Variants in DEPDC1B observed in about 807,000 individuals in gnomAD.
DEPDC1B encodes DEP domain-containing protein 1B.
Under a neutral mutation model 66.5 loss-of-function variants are expected in DEPDC1B, and 51 were observed. That is an observed-to-expected ratio of 0.77 (90% CI 0.61 to 0.97). The LOEUF is 0.97. DEPDC1B is among the 50% of genes least tolerant of loss of function. The pLI is 0.00. For missense variants in DEPDC1B, 552 were observed against 637.1 expected (o/e 0.87, Z 1.44); for synonymous variants, 226 against 223.6 (o/e 1.01, Z -0.10).
intron 8 of DEPDC1B, among the ~76,000 whole-genome samples, chr5:60,603,791 A>T (rs1022502536): frequency 3.3e-5 from 5 of 150,916 alleles, no homozygotes; most frequent in Non-Finnish European, 7.4e-5. Context: ...TATCTGAGCA[A>T]TTTTTAAACC....
intron 7 of DEPDC1B, among the ~76,000 whole-genome samples, chr5:60,627,636 C>T (rs981853506): frequency 6.6e-5 from 10 of 152,180 alleles, no homozygotes; most frequent in African/African-American, 2.4e-4. Context: ...TTGTTTCTTG[C>T]ATTTCCAAAT....
At chr5:60,699,690 G>T (rs1368460440) in intron 1 of DEPDC1B, among the ~76,000 whole-genome samples, 1 of 152,128 alleles carries the variant, frequency 6.6e-6, no homozygotes, top group African/African-American at 2.4e-5. Flanking sequence ...AGCGTTACGG[G>T]GTACGTGGTG....
In DEPDC1B at chr5:60,667,332, G is replaced by C. The variant is rs530736129; in HGVS notation, c.314+19630C>G. Reference sequence around the variant, plus strand: ...CTTTGTAATCCATATAACTGATAAAGTGTAAATATCCAGAATACATATATA... The same window carrying C: ...CTTTGTAATCCATATAACTGATAAACTGTAAATATCCAGAATACATATATA... On this transcript the variant is annotated intron_variant, in intron 2 of 10. Transcript: ENST00000265036. Among the ~76,000 whole-genome samples, 5 of 151,348 alleles carry C rather than the reference G, an allele frequency of 3.3e-5. No individual in the cohort carries two copies. In the East Asian group the frequency reaches 9.7e-4, roughly 29 times the overall value.
intron 2 of DEPDC1B, among the ~76,000 whole-genome samples, chr5:60,648,611 C>T (rs1344665938): frequency 2.0e-5 from 3 of 152,030 alleles, no homozygotes; most frequent in Non-Finnish European, 2.9e-5. Context: ...CAAAAACAGT[C>T]GCAATAGATT....
At chr5:60,624,385 C>T (rs1299708966) in intron 7 of DEPDC1B, among the ~76,000 whole-genome samples, 1 of 152,148 alleles carries the variant, frequency 6.6e-6, no homozygotes, top group Non-Finnish European at 1.5e-5. Context: ...TCTACTGCTG[C>T]ATTCAATTTG....
At chr5:60,624,901 G>A (rs1461529754) in intron 7 of DEPDC1B, among the ~76,000 whole-genome samples, 12 of 33,916 alleles carry the variant, frequency 3.5e-4, no homozygotes, top group African/African-American at 9.9e-4. Flanking sequence ...CCCTGCCCCC[G>A]ACCCCCCACA....
At chr5:60,659,381 A>C (rs1370997668) in intron 2 of DEPDC1B, among the ~76,000 whole-genome samples, 1 of 152,186 alleles carries the variant, frequency 6.6e-6, no homozygotes, top group Non-Finnish European at 1.5e-5. Flanking sequence ...TTGGAGTAAA[A>C]TACTGGGCAC....
At position 60,597,803 on chromosome 5, in the gene DEPDC1B, G is replaced by T; in HGVS notation, c.1540C>A (p.Leu514Ile). The change falls in exon 11 of 11, where the codon CTA becomes ATA. Residue 514 changes from leucine (L) to isoleucine (I), a missense_variant. Leu to Ile is a conservative substitution (Grantham distance 5). Coordinates refer to ENST00000265036, the MANE Select transcript of DEPDC1B (RefSeq NM_018369.3). Reference protein sequence around the residue: ...KPKPQLLMWALKKPFQPFQRT... With the variant: ...KPKPQLLMWAIKKPFQPFQRT... The stretch of plus-strand genomic sequence containing the variant: ...TGAAATGGTTGGAAAGGCTTCTTTA[G>T]TGCCCACATTAGCAGCTGTGGTTTC... 6.2e-7 allele frequency: 1 copy of T among 1,613,378 alleles called. No individual in the cohort carries two copies. The highest frequency in any genetic ancestry group is 2.2e-5 in the East Asian group (1 of 44,850).
chr5:60,644,984 G>A, intron 4 of DEPDC1B, 109 bp from the exon 5 acceptor site: 1 of 794,170 alleles, frequency 1.3e-6, no homozygotes. Flanking sequence ...TTCATGCATT[G>A]CACCCAATCT....
intron 7 of DEPDC1B, among the ~76,000 whole-genome samples, chr5:60,617,055 A>C (rs1425169805): frequency 6.6e-6 from 1 of 152,208 alleles, no homozygotes; most frequent in Non-Finnish European, 1.5e-5. Flanking sequence ...TAAGTGAAGG[A>C]GAAATAAAAT....
chr5:60,627,553 ACAT>A (rs1561364835), intron 7 of DEPDC1B, among the ~76,000 whole-genome samples: 1 of 152,088 alleles, frequency 6.6e-6, no homozygotes, highest in Non-Finnish European at 1.5e-5. Flanking sequence ...TACAATCTCA[ACAT>A]CATCATCAAA....
chr5:60,638,999 T>C (rs975738073), intron 6 of DEPDC1B, 109 bp from the exon 7 acceptor site: 2 of 1,300,986 alleles, frequency 1.5e-6, no homozygotes, highest in African/African-American at 1.5e-5. Flanking sequence ...ATTTGACATA[T>C]ACAGAAAAGT....
At chr5:60,614,966 G>A (rs779072450) in intron 7 of DEPDC1B, among the ~76,000 whole-genome samples, 4 of 152,172 alleles carry the variant, frequency 2.6e-5, no homozygotes, top group Non-Finnish European at 5.9e-5. Flanking sequence ...ACTACAGCCT[G>A]GGTGACAGAG....
chr5:60,642,845 A>G lies in DEPDC1B; in HGVS notation c.724T>C (p.Trp242Arg). The G allele has an allele frequency of 1.2e-6, 2 of 1,611,682 alleles. No homozygotes were observed. The highest frequency in any genetic ancestry group is 1.7e-6 in the Non-Finnish European group (2 of 1,179,200). ...AAACACTTCATAGCTGACAGCACCC[A>G]ATGAGGAAGTTCTTCTGAAGGAAAA... ...LDDKSKELPHWVLSAMKCLAN... is the reference protein window; with the variant it reads ...LDDKSKELPHRVLSAMKCLAN... The change falls in exon 6 of 11, where the codon TGG (tryptophan) becomes CGG (arginine). Residue 242 changes from tryptophan to arginine, a missense_variant. Physicochemically the swap from Trp to Arg is moderately radical, Grantham distance 101. Coordinates refer to ENST00000265036, the MANE Select transcript of DEPDC1B (RefSeq NM_018369.3).
chr5:60,668,201 G>A, intron 2 of DEPDC1B, among the ~76,000 whole-genome samples: 1 of 36,380 alleles, frequency 2.7e-5, no homozygotes, highest in East Asian at 1.1e-3. Flanking sequence ...ATATAAAATG[G>A]ATATTTTATA....
intron 2 of DEPDC1B, among the ~76,000 whole-genome samples, chr5:60,650,644 G>A (rs1308762761): frequency 6.6e-6 from 1 of 152,190 alleles, no homozygotes; most frequent in Admixed American, 6.5e-5. Context: ...TGATAGAGCA[G>A]ACATTACAGA....
intron 2 of DEPDC1B, among the ~76,000 whole-genome samples, chr5:60,659,117 C>T (rs903437380): frequency 2.6e-5 from 4 of 152,202 alleles, no homozygotes; most frequent in East Asian, 1.9e-4. Flanking sequence ...CTATACCACT[C>T]ATCGCATGGC....
intron 2 of DEPDC1B, among the ~76,000 whole-genome samples, chr5:60,653,416 C>T (rs1307371853): frequency 1.5e-5 from 2 of 131,592 alleles, no homozygotes; most frequent in Non-Finnish European, 3.1e-5. Context: ...GAATTGTCTA[C>T]TCATGTCCTT....
chr5:60,697,111 AT>A (rs749392650), intron 1 of DEPDC1B, among the ~76,000 whole-genome samples: 54 of 152,250 alleles, frequency 3.5e-4, no homozygotes, highest in Admixed American at 3.1e-3. Flanking sequence ...CTCTACTTGA[AT>A]GAACTATTTA....
Sources: gnomAD v4.1 joint callset for allele counts (sites outside exome capture counted in the v4.1 genomes callset) on GRCh38, gnomAD v4.1.1 for gene constraint, MANE v1.5 for transcripts, NCBI Gene and HGNC (gene_info 2026-07-23, HGNC 2026-07-21) for gene names.